The following CDH13 variants were observed in gnomAD, a reference collection of about 807,000 sequenced individuals.
CDH13 encodes cadherin 13.
In CDH13, 24 loss-of-function variants were observed where a neutral mutation model predicts 63.8. The ratio of observed to expected loss-of-function variants is 0.38; its 90% confidence interval spans 0.27 to 0.53. The LOEUF is 0.53. Ranked by LOEUF, CDH13 falls within the 20% of genes least tolerant of loss-of-function variation. The pLI is 0.85. For synonymous variants in CDH13, 503 were observed against 355.3 expected (o/e 1.42, Z -4.67); for missense variants, 1,049 against 903.1 (o/e 1.16, Z -2.07).
chr16:83,307,174 G>A (rs375933033), intron 5 of CDH13, among the ~76,000 whole-genome samples: 5 of 152,266 alleles, frequency 3.3e-5, no homozygotes, highest in African/African-American at 1.2e-4. Flanking sequence ...AAGTGGTAAC[G>A]CCTGTTCCCT....
intron 6 of CDH13, among the ~76,000 whole-genome samples, chr16:83,439,874 G>A (rs1358358770): frequency 2.6e-5 from 4 of 152,060 alleles, no homozygotes; most frequent in South Asian, 2.1e-4. Flanking sequence ...TCAATCCTTG[G>A]TGTCCTTTCT....
chr16:82,751,314 T>A (rs140442778), intron 1 of CDH13, among the ~76,000 whole-genome samples: 22 of 152,158 alleles, frequency 1.4e-4, no homozygotes, highest in African/African-American at 4.3e-4. Context: ...TTAATAGATT[T>A]TTTTTTGTGT....
intron 1 of CDH13, among the ~76,000 whole-genome samples, chr16:82,722,575 C>T (rs560111135): frequency 1.1e-3 from 168 of 152,272 alleles, no homozygotes; most frequent in African/African-American, 3.6e-3. Context: ...GGGATGGAGT[C>T]ACCCTTATTT....
intron 2 of CDH13, among the ~76,000 whole-genome samples, chr16:82,886,149 A>G (rs946482978): frequency 1.3e-5 from 2 of 152,240 alleles, no homozygotes; most frequent in African/African-American, 2.4e-5. Context: ...AATATTCTGT[A>G]GTACAAATAT....
chr16:82,841,351 C>T (rs924677609), intron 1 of CDH13, among the ~76,000 whole-genome samples: 3 of 152,190 alleles, frequency 2.0e-5, no homozygotes, highest in African/African-American at 7.2e-5. Flanking sequence ...GTTTAACTAT[C>T]ATGGGAGATA....
At chr16:82,999,193 C>G (rs530549599) in intron 2 of CDH13, among the ~76,000 whole-genome samples, 1 of 152,244 alleles carries the variant, frequency 6.6e-6, no homozygotes, top group South Asian at 2.1e-4. Context: ...GCCCTCTTTT[C>G]TCTTTCAACT....
rs76742133 is a variant in CDH13, at chr16:83,546,742, A to C, written c.961-55712A>C. On this transcript the variant is annotated intron_variant, in intron 7 of 13. Transcript: ENST00000567109. The stretch of plus-strand genomic sequence containing the variant: ...CTCAGAGTAAACACCAGCCATCTGC[A>C]TAACAGCAGTGCCCTTCCATAGTAC... Among the ~76,000 whole-genome samples, 1,399 of 152,278 alleles carry C rather than the reference A, an allele frequency of 9.2e-3. 10 individuals are homozygous for C. The highest frequency in any genetic ancestry group is 0.015 in the Non-Finnish European group (1,028 of 68,022).
chr16:82,704,210 C>G (rs1044609602), intron 1 of CDH13, among the ~76,000 whole-genome samples: 15 of 152,162 alleles, frequency 9.9e-5, no homozygotes, highest in African/African-American at 3.1e-4. Flanking sequence ...CAGCCTTCAG[C>G]AGGCTCTAGG....
chr16:83,001,715 T>A (rs1247302429), intron 2 of CDH13, among the ~76,000 whole-genome samples: 1 of 152,230 alleles, frequency 6.6e-6, no homozygotes, highest in Admixed American at 6.5e-5. Flanking sequence ...TACGGATGAT[T>A]GGCTGTGACC....
At chr16:82,795,141 C>T (rs1221075731) in intron 1 of CDH13, among the ~76,000 whole-genome samples, 1 of 152,198 alleles carries the variant, frequency 6.6e-6, no homozygotes, top group Non-Finnish European at 1.5e-5. Context: ...CATCTTTCTG[C>T]AGTTGGCTAA....
intron 6 of CDH13, among the ~76,000 whole-genome samples, chr16:83,363,976 T>C (rs1041268543): frequency 1.3e-5 from 2 of 152,172 alleles, no homozygotes; most frequent in African/African-American, 4.8e-5. Context: ...ATAGGAGCCA[T>C]GACATTAATA....
intron 2 of CDH13, among the ~76,000 whole-genome samples, chr16:82,974,257 T>A (rs905924345): frequency 2.0e-5 from 3 of 152,186 alleles, no homozygotes; most frequent in Non-Finnish European, 4.4e-5. Flanking sequence ...CTTTGTAAGA[T>A]GCATTCATGT....
At chr16:82,916,488 C>A (rs572854750) in intron 2 of CDH13, among the ~76,000 whole-genome samples, 1 of 151,928 alleles carries the variant, frequency 6.6e-6, no homozygotes, top group Admixed American at 6.6e-5. Context: ...GCAGGAGAAT[C>A]GTTTGAATCT....
intron 2 of CDH13, among the ~76,000 whole-genome samples, chr16:82,999,520 C>T (rs915760041): frequency 2.0e-5 from 3 of 149,758 alleles, no homozygotes; most frequent in Non-Finnish European, 4.4e-5. Flanking sequence ...TCAAGGCAAC[C>T]ATAAAACACT....
chr16:83,456,936 T>C (rs1327098120), intron 6 of CDH13, among the ~76,000 whole-genome samples: 1 of 152,166 alleles, frequency 6.6e-6, no homozygotes, highest in African/African-American at 2.4e-5. Flanking sequence ...CACTCCAGCC[T>C]GGGTGACAGA....
At chr16:83,505,189 A>C (rs1321486270) in intron 7 of CDH13, among the ~76,000 whole-genome samples, 1 of 152,218 alleles carries the variant, frequency 6.6e-6, no homozygotes, top group Non-Finnish European at 1.5e-5. Context: ...TCTAGCCTCC[A>C]GATCCCCAGG....
At chr16:83,210,394 C>T (rs1180729042) in intron 4 of CDH13, among the ~76,000 whole-genome samples, 1 of 151,932 alleles carries the variant, frequency 6.6e-6, no homozygotes, top group Admixed American at 6.6e-5. Context: ...GGTACTGCCC[C>T]AGTCAGATGT....
intron 8 of CDH13, among the ~76,000 whole-genome samples, chr16:83,652,218 T>G (rs1729749479): frequency 6.6e-6 from 1 of 152,234 alleles, no homozygotes; most frequent in Non-Finnish European, 1.5e-5. Flanking sequence ...TTCTTCTGAC[T>G]AAGACATTTG....
chr16:83,356,457 G>C (rs1382299990), intron 6 of CDH13, among the ~76,000 whole-genome samples: 1 of 152,118 alleles, frequency 6.6e-6, no homozygotes, highest in African/African-American at 2.4e-5. Flanking sequence ...CCATCCATCA[G>C]TCAAGACAGG....
Sources: allele counts gnomAD v4.1 joint callset (sites outside exome capture counted in the v4.1 genomes callset), GRCh38; gene constraint gnomAD v4.1.1; transcripts MANE v1.5; gene names NCBI Gene and HGNC (gene_info 2026-07-23, HGNC 2026-07-21).